RPH3A: variants seen among roughly 807,000 people sequenced by gnomAD.
RPH3A encodes the protein rabphilin-3A.
Under a neutral mutation model 102.2 loss-of-function variants are expected in RPH3A, and 48 were observed. The ratio of observed to expected loss-of-function variants is 0.47; its 90% confidence interval spans 0.37 to 0.60. RPH3A has a LOEUF of 0.60. RPH3A is among the 20% of genes least tolerant of loss of function. RPH3A has a pLI of 0.00. For missense variants in RPH3A, 781 were observed against 910.1 expected (o/e 0.86, Z 1.83); for synonymous variants, 310 against 324.3 (o/e 0.96, Z 0.47).
At chr12:112,646,276 C>T (rs1000724846) in intron 1 of RPH3A, among the ~76,000 whole-genome samples, 9 of 152,146 alleles carry the variant, frequency 5.9e-5, no homozygotes, top group East Asian at 5.8e-4. Context: ...CCAAGACCAA[C>T]GTTCTTCTTA....
intron 3 of RPH3A, among the ~76,000 whole-genome samples, chr12:112,829,436 A>C (rs991978454): frequency 6.6e-6 from 1 of 151,762 alleles, no homozygotes; most frequent in Non-Finnish European, 1.5e-5. Flanking sequence ...ACGCCTGGCT[A>C]ACTTTAATTT....
At chr12:112,892,327 G>A (rs747474171) in intron 19 of RPH3A, among the ~76,000 whole-genome samples, 2 of 152,218 alleles carry the variant, frequency 1.3e-5, no homozygotes, top group African/African-American at 2.4e-5. Flanking sequence ...AGGTGTGCCT[G>A]TAGAGGAGAT....
intron 1 of RPH3A, among the ~76,000 whole-genome samples, chr12:112,583,510 A>T (rs777043953): frequency 6.6e-6 from 1 of 151,832 alleles, no homozygotes; most frequent in African/African-American, 2.4e-5. Context: ...GAAGAAAAGG[A>T]GGAGATTGAT....
intron 5 of RPH3A, among the ~76,000 whole-genome samples, chr12:112,859,958 G>A (rs1212726143): frequency 2.0e-5 from 3 of 152,182 alleles, no homozygotes; most frequent in Admixed American, 6.5e-5. Context: ...AGTCAGGGCC[G>A]GGCACTGGCG....
At chr12:112,579,708 C>T (rs947798942) in intron 1 of RPH3A, among the ~76,000 whole-genome samples, 2 of 152,096 alleles carry the variant, frequency 1.3e-5, no homozygotes, top group Non-Finnish European at 2.9e-5. Flanking sequence ...CTGCCAACTG[C>T]CTTAGCTGTT....
chr12:112,712,901 TTCC>T lies in RPH3A; in HGVS notation c.-139-79239_-139-79237del, dbSNP rs199732695. ...TTTTTTCTTCTTCTTCTTCTTCTTCTTCCTCTTCTTCTTCTTCTTCTTCCTCTT... is the reference window on the plus strand; with the variant it reads ...TTTTTTCTTCTTCTTCTTCTTCTTCTTCTTCTTCTTCTTCTTCTTCCTCTT... On this transcript the variant is annotated intron_variant, in intron 1 of 21. Coordinates refer to the RPH3A transcript ENST00000543106. Among the ~76,000 whole-genome samples, 624 of 130,144 alleles carry T rather than the reference TTCC, an allele frequency of 4.8e-3. 6 individuals are homozygous for T. The highest frequency in any genetic ancestry group is 0.015 in the African/African-American group (449 of 30,854). 85.4% of individuals were successfully genotyped at this position (130,144 alleles called of 152,430 possible).
intron 1 of RPH3A, among the ~76,000 whole-genome samples, chr12:112,750,917 G>A (rs1350815054): frequency 6.6e-6 from 1 of 152,102 alleles, no homozygotes; most frequent in African/African-American, 2.4e-5. Flanking sequence ...GTATGGACCT[G>A]GGGAATTAAA....
intron 1 of RPH3A, among the ~76,000 whole-genome samples, chr12:112,599,688 C>T (rs1045043818): frequency 6.6e-6 from 1 of 152,192 alleles, no homozygotes; most frequent in Non-Finnish European, 1.5e-5. Flanking sequence ...AAAATGTATG[C>T]TTGTTGAAAT....
intron 1 of RPH3A, among the ~76,000 whole-genome samples, chr12:112,713,915 C>T (rs188354856): frequency 2.0e-5 from 3 of 152,248 alleles, no homozygotes; most frequent in African/African-American, 2.4e-5. Flanking sequence ...GTGGCTGAGA[C>T]GTGGGTTCAG....
At chr12:112,696,996 A>G (rs1309024876) in intron 1 of RPH3A, among the ~76,000 whole-genome samples, 1 of 152,106 alleles carries the variant, frequency 6.6e-6, no homozygotes, top group Non-Finnish European at 1.5e-5. Context: ...TAAAAAGCAT[A>G]CATGAGGGCA....
At chr12:112,861,760 T>A (rs2042517124) in intron 5 of RPH3A, among the ~76,000 whole-genome samples, 1 of 152,202 alleles carries the variant, frequency 6.6e-6, no homozygotes, top group African/African-American at 2.4e-5. Flanking sequence ...ACGCCTGTAA[T>A]CCCAGCACTT....
chr12:112,880,668 C>G (rs2042893516), intron 14 of RPH3A, among the ~76,000 whole-genome samples: 1 of 152,110 alleles, frequency 6.6e-6, no homozygotes, highest in South Asian at 2.1e-4. Flanking sequence ...TAAGTTAACC[C>G]CCTGAGCAGC....
In RPH3A at chr12:112,896,928, G is replaced by T; in HGVS notation, c.*148G>T. 1 of 770,798 alleles carries T rather than the reference G, an allele frequency of 1.3e-6. No homozygotes were observed. Among genetic ancestry groups the T allele is most frequent in the South Asian group, 1.8e-5 (1 of 54,102 alleles). The allele number at this position is 770,798 out of a possible 1,614,324, so 47.7% of individuals were successfully genotyped here. A position where few individuals can be genotyped will look rare whatever the true frequency, so the allele number is the denominator to read the frequency against. ...CCTGCCTTTGAGCCCCCGTCACGTTGGGCACTGCTGCCAAAGACTCCCTCC... is the reference window on the plus strand; with the variant it reads ...CCTGCCTTTGAGCCCCCGTCACGTTTGGCACTGCTGCCAAAGACTCCCTCC... On this transcript the variant is annotated 3_prime_UTR_variant, in exon 22 of 22. Coordinates refer to ENST00000389385, the MANE Select transcript of RPH3A (RefSeq NM_001143854.2).
At chr12:112,634,144 C>T (rs1028974765) in intron 1 of RPH3A, among the ~76,000 whole-genome samples, 3 of 150,676 alleles carry the variant, frequency 2.0e-5, no homozygotes, top group Non-Finnish European at 4.4e-5. Context: ...GTAAGGAGTT[C>T]GAGACCAGCC....
At chr12:112,856,730 A>T (rs1248685922) in intron 5 of RPH3A, among the ~76,000 whole-genome samples, 1 of 152,242 alleles carries the variant, frequency 6.6e-6, no homozygotes, top group African/African-American at 2.4e-5. Flanking sequence ...GAGTACAGGG[A>T]TATATAAAAG....
intron 5 of RPH3A, among the ~76,000 whole-genome samples, chr12:112,849,668 G>A (rs1302589642): frequency 6.6e-6 from 1 of 152,084 alleles, no homozygotes; most frequent in Non-Finnish European, 1.5e-5. Flanking sequence ...TGCCGGTTTT[G>A]TTCACTGCCA....
intron 5 of RPH3A, among the ~76,000 whole-genome samples, chr12:112,860,277 G>C (rs551688531): frequency 1.3e-5 from 2 of 152,300 alleles, no homozygotes; most frequent in East Asian, 3.9e-4. Flanking sequence ...GAAGATCTGC[G>C]TGTCCCCACC....
At chr12:112,839,473 T>C (rs1313037259) in intron 4 of RPH3A, among the ~76,000 whole-genome samples, 3 of 152,228 alleles carry the variant, frequency 2.0e-5, no homozygotes, top group Non-Finnish European at 2.9e-5. Context: ...AAGGGTTGGC[T>C]GATCTAAGAT....
chr12:112,604,505 A>G (rs952827176), intron 1 of RPH3A, among the ~76,000 whole-genome samples: 2 of 152,136 alleles, frequency 1.3e-5, no homozygotes, highest in Admixed American at 1.3e-4. Flanking sequence ...TATGTTCCCT[A>G]TCCTCACTTT....
Sources: allele counts gnomAD v4.1 joint callset (sites outside exome capture counted in the v4.1 genomes callset), GRCh38; gene constraint gnomAD v4.1.1; transcripts MANE v1.5; gene names NCBI Gene and HGNC (gene_info 2026-07-23, HGNC 2026-07-21).